Variants in AKAP8L observed in about 807,000 individuals in gnomAD.
AKAP8L encodes A-kinase anchoring protein 8 like, also known as A-kinase anchor protein 8-like.
AKAP8L carries 34 observed loss-of-function variants against 77.5 expected under a neutral mutation model. The ratio of observed to expected loss-of-function variants is 0.44; its 90% CI spans 0.33 to 0.58. The LOEUF (loss-of-function observed/expected upper bound fraction) is 0.58. Among genes scored for constraint, AKAP8L ranks in the 20% least tolerant of loss-of-function variants. The pLI is 0.02. For synonymous variants in AKAP8L, 342 were observed against 340.7 expected (o/e 1.00, Z -0.04); for missense variants, 806 against 887.6 (o/e 0.91, Z 1.17).
At position 15,391,639 on chromosome 19, in the gene AKAP8L, C is replaced by T. The variant is rs184113969; in HGVS notation, c.1536+5511G>A. 2.1e-3 allele frequency among the ~76,000 whole-genome samples: 316 copies of T among 150,416 alleles called. 1 individual carries two copies. Among genetic ancestry groups the T allele is most frequent in the African/African-American group, 7.2e-3 (295 of 40,972 alleles). ...CTGCAACCTCCGCCTCCCGGGTTCA[C>T]GCCATTCTCCTGCCTCAGCCTCCCA... On this transcript the variant is annotated intron_variant, in intron 12 of 13. Coordinates refer to ENST00000397410, the MANE Select transcript of AKAP8L (RefSeq NM_014371.4).
At chr19:15,414,791 G>C (rs1425524239) in intron 1 of AKAP8L, among the ~76,000 whole-genome samples, 1 of 151,562 alleles carries the variant, frequency 6.6e-6, no homozygotes, top group Non-Finnish European at 1.5e-5. Flanking sequence ...CCTAGCCCAC[G>C]GATTTCTTTC....
chr19:15,386,577 A>G (rs1414323060), intron 12 of AKAP8L, among the ~76,000 whole-genome samples: 3 of 152,180 alleles, frequency 2.0e-5, no homozygotes, highest in Non-Finnish European at 4.4e-5. Flanking sequence ...CAGACAGTAC[A>G]GCCAAGAAGA....
intron 1 of AKAP8L, among the ~76,000 whole-genome samples, chr19:15,416,267 C>T (rs2145154788): frequency 6.6e-6 from 1 of 152,338 alleles, no homozygotes; most frequent in East Asian, 1.9e-4. Context: ...AGATGGTCTC[C>T]ATTCCTGCCT....
chr19:15,406,403 G>GAGAGAT (rs1968001941), intron 2 of AKAP8L, among the ~76,000 whole-genome samples: 1 of 141,506 alleles, frequency 7.1e-6, no homozygotes, highest in Non-Finnish European at 1.5e-5. Context: ...GAGAGAGAGA[G>GAGAGAT]ATCCTTAAAA....
chr19:15,400,707 A>C, intron 7 of AKAP8L, 87 bp downstream of exon 7: 1 of 1,481,448 alleles, frequency 6.8e-7, no homozygotes, highest in Admixed American at 1.8e-5. Context: ...CTGACACAGC[A>C]TTGCCTCTGG....
At chr19:15,400,647 T>G in intron 7 of AKAP8L, 147 bp downstream of exon 7, 1 of 1,043,576 alleles carries the variant, frequency 9.6e-7, no homozygotes, top group Non-Finnish European at 1.4e-6. Context: ...CAGCCTGTGC[T>G]TTCTGCCAGA....
intron 1 of AKAP8L, among the ~76,000 whole-genome samples, chr19:15,410,937 C>G (rs984404419): frequency 6.6e-6 from 1 of 152,290 alleles, no homozygotes; most frequent in Admixed American, 6.5e-5. Context: ...CTCAGCCTCC[C>G]AAGTAGCTGA....
intron 12 of AKAP8L, among the ~76,000 whole-genome samples, chr19:15,393,080 G>T (rs1048485098): frequency 6.6e-6 from 1 of 151,828 alleles, no homozygotes; most frequent in African/African-American, 2.4e-5. Context: ...TCATTCAATG[G>T]GGGGAAAACA....
intron 7 of AKAP8L, 130 bp from the exon 8 acceptor site, chr19:15,400,488 T>C (rs911927317): frequency 3.1e-6 from 3 of 970,234 alleles, no homozygotes; most frequent in African/African-American, 1.7e-5. Flanking sequence ...GGCTATCCTA[T>C]AGGCAGGGTG....
Position 15,380,511 on chromosome 19 carries a change from C to G in AKAP8L, c.1632+6G>C. The G allele has an allele frequency of 1.2e-6, 2 of 1,613,856 alleles. No individual in the cohort carries two copies. The highest frequency in any genetic ancestry group is 1.1e-5 in the South Asian group (1 of 91,080). Reference sequence around the variant, plus strand: ...GGGACAGGGCAGGCCCGGACCAGTGCCTCACCTTCAGGTAGCGCTCCAGCT... The same window carrying G: ...GGGACAGGGCAGGCCCGGACCAGTGGCTCACCTTCAGGTAGCGCTCCAGCT... On this transcript the variant is annotated splice_donor_region_variant and intron_variant, in intron 13 of 13. Coordinates refer to ENST00000397410, the MANE Select transcript of AKAP8L (RefSeq NM_014371.4).
chr19:15,389,883 A>C (rs189974242), intron 12 of AKAP8L, among the ~76,000 whole-genome samples: 4 of 149,862 alleles, frequency 2.7e-5, no homozygotes, highest in Non-Finnish European at 4.4e-5. Flanking sequence ...TGAAAGCAGC[A>C]AGACAAAACA....
Position 15,409,843 on chromosome 19 carries a change from C to T in AKAP8L, c.88+677G>A, listed in dbSNP as rs145919407. ...GGCTTGAGGTGGCCTGGCTGAGTCTCCAAAAGCTGCCAGATTCACACACTC... is the reference window on the plus strand; with the variant it reads ...GGCTTGAGGTGGCCTGGCTGAGTCTTCAAAAGCTGCCAGATTCACACACTC... On this transcript the variant is annotated intron_variant, in intron 2 of 13. Coordinates refer to ENST00000397410, the MANE Select transcript of AKAP8L (RefSeq NM_014371.4). Among the ~76,000 whole-genome samples the T allele has an allele frequency of 8.5e-5, 13 of 152,296 alleles. No homozygotes were observed. The East Asian group carries it at 2.5e-3, about 29-fold the overall frequency.
chr19:15,388,785 G>A (rs1225295737), intron 12 of AKAP8L, among the ~76,000 whole-genome samples: 3 of 151,910 alleles, frequency 2.0e-5, no homozygotes, highest in African/African-American at 7.2e-5. Context: ...GCGTGGTGGC[G>A]GGCGCCTGTA....
chr19:15,409,091 A>G (rs1345616809), intron 2 of AKAP8L, among the ~76,000 whole-genome samples: 1 of 152,172 alleles, frequency 6.6e-6, no homozygotes, highest in Non-Finnish European at 1.5e-5. Flanking sequence ...AATATTACAG[A>G]TTTCTTAGAT....
At position 15,380,097 on chromosome 19, in the gene AKAP8L, G is replaced by C; in HGVS notation, c.*25C>G. The C allele has an allele frequency of 2.1e-6, 3 of 1,454,966 alleles. No individual in the cohort carries two copies. The highest frequency in any genetic ancestry group is 2.7e-6 in the Non-Finnish European group (3 of 1,116,038). 90.1% of individuals were successfully genotyped at this position (1,454,966 alleles called of 1,614,324 possible). ...GTTTGGTTTCCAGCTTCGGCCACGC[G>C]GGCTCCGCCCGCCCCGAGCTCGGGT... On this transcript the variant is annotated 3_prime_UTR_variant, in exon 14 of 14. Transcript: ENST00000397410.
At chr19:15,393,668 C>G in intron 12 of AKAP8L, among the ~76,000 whole-genome samples, 1 of 152,090 alleles carries the variant, frequency 6.6e-6, no homozygotes, top group Admixed American at 6.6e-5. Context: ...TGCCTGTAAT[C>G]CCACCACTTT....
At position 15,380,236 on chromosome 19, in the gene AKAP8L, C is replaced by G; in HGVS notation, c.1827G>C (p.Glu609Asp). The change falls in exon 14 of 14, where the codon GAG becomes GAC. Residue 609 changes from glutamate (E) to aspartate (D), a missense_variant. This residue lies in a region of AKAP8L where 226 missense variants were observed against 193.5 expected (regional missense o/e 1.17). Transcript: ENST00000397410. Reference sequence around the variant, plus strand: ...AGGGCACGGCGCCCTCCTCCTCCTCCTCTGGGGGCGGCGGCGGTGGCGGCG... The same window carrying G: ...AGGGCACGGCGCCCTCCTCCTCCTCGTCTGGGGGCGGCGGCGGTGGCGGCG... ...AVSPPPPPPP[E>D]EEEEGAVPLL... 1 of 1,501,984 alleles carries G rather than the reference C, an allele frequency of 6.7e-7. No homozygotes were observed. Among genetic ancestry groups the G allele is most frequent in the South Asian group, 1.2e-5 (1 of 80,026 alleles). 93.0% of individuals were successfully genotyped at this position (1,501,984 alleles called of 1,614,324 possible).
chr19:15,400,611 A>G (rs144159535), intron 7 of AKAP8L, 183 bp downstream of exon 7: 5 of 809,178 alleles, frequency 6.2e-6, no homozygotes, highest in Admixed American at 4.9e-5. Flanking sequence ...CCATTTTCCA[A>G]CAAGGAAACT....
chr19:15,393,860 G>A (rs1039583961), intron 12 of AKAP8L, among the ~76,000 whole-genome samples: 9 of 147,574 alleles, frequency 6.1e-5, no homozygotes, highest in South Asian at 2.1e-4. Context: ...CCGAGATCGC[G>A]CCATTGCACT....
Sources: gnomAD v4.1 joint callset for allele counts (sites outside exome capture counted in the v4.1 genomes callset) on GRCh38, gnomAD v4.1.1 for gene constraint, gnomAD v4.1.1 regional missense constraint, MANE v1.5 for transcripts, NCBI Gene and HGNC (gene_info 2026-07-23, HGNC 2026-07-21) for gene names.